The following USP48 variants were observed in gnomAD, a reference collection of about 807,000 sequenced individuals.
USP48 encodes ubiquitin specific peptidase 48, also known as ubiquitin carboxyl-terminal hydrolase 48.
Under a neutral mutation model 150.7 loss-of-function variants are expected in USP48, and 43 were observed. That is an observed-to-expected ratio of 0.29 (90% CI 0.22 to 0.37). The LOEUF (loss-of-function observed/expected upper bound fraction) is 0.37. Among genes scored for constraint, USP48 ranks in the 10% least tolerant of loss-of-function variants. The pLI is 1.00. For missense variants in USP48, 813 were observed against 1,249.6 expected (o/e 0.65, Z 5.27); for synonymous variants, 396 against 425.9 (o/e 0.93, Z 0.86).
At chr1:21,760,028 A>G (rs1284721204) in intron 1 of USP48, among the ~76,000 whole-genome samples, 1 of 152,334 alleles carries the variant, frequency 6.6e-6, no homozygotes, top group Admixed American at 6.5e-5. Context: ...CCAGTAATGA[A>G]TCTAATTGAC....
chr1:21,703,969 C>T (rs771862776), intron 20 of USP48, among the ~76,000 whole-genome samples: 43 of 152,288 alleles, frequency 2.8e-4, no homozygotes, highest in Non-Finnish European at 4.4e-4. Flanking sequence ...GCAATCCTTC[C>T]ACCCTAGTCT....
In USP48 at chr1:21,715,405, A is replaced by T. The variant is rs1235217867; in HGVS notation, c.1947T>A (p.Asp649Glu). ...CTAGCTTACCATGTGGACACAGAAT[A>T]TCTTCATTAAAATTTAATTCCTCCT... ...KEEEELNFNE[D>E]ILCPHGELCI... is the part of the protein sequence containing the mutation. The change falls in exon 15 of 27, where the codon GAT (aspartate) becomes GAA (glutamate). Residue 649 changes from aspartate (D) to glutamate (E), a missense_variant. Asp to Glu is a conservative substitution (Grantham distance 45). Coordinates refer to ENST00000308271, the MANE Select transcript of USP48 (RefSeq NM_032236.8). 1.1e-5 allele frequency: 17 copies of T among 1,591,788 alleles called. No homozygotes were observed. The highest frequency in any genetic ancestry group is 3.4e-5 in the Admixed American group (2 of 59,050).
chr1:21,701,386 A>G, intron 22 of USP48, 112 bp downstream of exon 22: 1 of 823,884 alleles, frequency 1.2e-6, no homozygotes, highest in Middle Eastern at 2.4e-4. Flanking sequence ...AAAAAAGAAA[A>G]AAAAAGAACC....
chr1:21,736,757 A>C, intron 8 of USP48, 132 bp from the exon 9 acceptor site: 1 of 719,260 alleles, frequency 1.4e-6, no homozygotes, highest in East Asian at 3.3e-5. Flanking sequence ...AAATTTTTAC[A>C]AATTAGTTTT....
At chr1:21,764,264 C>T (rs987871838) in intron 1 of USP48, among the ~76,000 whole-genome samples, 11 of 151,998 alleles carry the variant, frequency 7.2e-5, no homozygotes, top group African/African-American at 2.7e-4. Context: ...ATGGCGAAAA[C>T]CCATCTTTAC....
intron 1 of USP48, among the ~76,000 whole-genome samples, chr1:21,762,210 T>C (rs916624687): frequency 6.6e-6 from 1 of 151,942 alleles, no homozygotes; most frequent in African/African-American, 2.4e-5. Flanking sequence ...GGGTTTGCAG[T>C]GAGCTGTGAT....
chr1:21,697,392 G>C (rs1353785986), intron 22 of USP48, among the ~76,000 whole-genome samples: 2 of 152,052 alleles, frequency 1.3e-5, no homozygotes, highest in African/African-American at 2.4e-5. Flanking sequence ...GGCCAGGCGT[G>C]GTGGCTCATG....
At chr1:21,735,284 T>G (rs139680961) in intron 9 of USP48, among the ~76,000 whole-genome samples, 7 of 152,360 alleles carry the variant, frequency 4.6e-5, no homozygotes, top group African/African-American at 1.7e-4. Context: ...ATTGTAAATT[T>G]TTTTAACTAA....
At chr1:21,751,682 C>T (rs2097814370) in intron 5 of USP48, 67 bp from the exon 6 acceptor site, 5 of 1,186,634 alleles carry the variant, frequency 4.2e-6, no homozygotes, top group Non-Finnish European at 6.2e-6. Flanking sequence ...TATTGTATTA[C>T]ATCCTAGAAA....
chr1:21,690,976 A>T (rs543365653), intron 23 of USP48, among the ~76,000 whole-genome samples: 2 of 152,134 alleles, frequency 1.3e-5, no homozygotes, highest in Non-Finnish European at 2.9e-5. Flanking sequence ...TGAATTTCTG[A>T]AGGGTAGGGA....
chr1:21,700,230 G>A (rs912577816), intron 22 of USP48, among the ~76,000 whole-genome samples: 2 of 152,054 alleles, frequency 1.3e-5, no homozygotes, highest in African/African-American at 4.8e-5. Context: ...GCCCTCCAGT[G>A]TTGACTGACT....
intron 12 of USP48, among the ~76,000 whole-genome samples, chr1:21,722,675 T>A (rs1249661681): frequency 6.6e-6 from 1 of 151,858 alleles, no homozygotes; most frequent in African/African-American, 2.4e-5. Flanking sequence ...TGAAACACCA[T>A]CTCTACAGAA....
At chr1:21,727,920 T>C (rs1357217702) in intron 11 of USP48, 1 of 984,082 alleles carries the variant, frequency 1.0e-6, no homozygotes, top group African/African-American at 1.7e-5. Flanking sequence ...GAATTAGGCT[T>C]GGGGAATTCA....
rs573075243 is a variant in USP48, at chr1:21,715,239, C to T, written c.1963+150G>A. 125 of 542,102 alleles carry T rather than the reference C, an allele frequency of 2.3e-4. No individual in the cohort carries two copies. In the Middle Eastern group the frequency reaches 2.4e-3, roughly 11 times the overall value. 33.6% of individuals were successfully genotyped at this position (542,102 alleles called of 1,614,324 possible). On this transcript the variant is annotated intron_variant, in intron 15 of 26. Transcript: ENST00000308271. Reference sequence around the variant, plus strand: ...GAACAAGTGACAAGAAGTTTCTTTTCCAATGATTTCCTCTAAATATGGGGA... The same window carrying T: ...GAACAAGTGACAAGAAGTTTCTTTTTCAATGATTTCCTCTAAATATGGGGA...
chr1:21,695,318 T>C (rs1366362405), intron 22 of USP48, 97 bp from the exon 23 acceptor site: 41 of 1,314,674 alleles, frequency 3.1e-5, no homozygotes, highest in African/African-American at 4.5e-5. Context: ...TGTTTCCTTA[T>C]TGGTCCCTTA....
intron 10 of USP48, 53 bp downstream of exon 10, chr1:21,729,651 G>T: frequency 6.3e-7 from 1 of 1,584,466 alleles, no homozygotes; most frequent in South Asian, 1.1e-5. Flanking sequence ...ATTAATCTTT[G>T]AGTATGGCAT....
chr1:21,681,423 G>A (rs1282918979), intron 25 of USP48, among the ~76,000 whole-genome samples: 1 of 151,894 alleles, frequency 6.6e-6, no homozygotes, highest in Non-Finnish European at 1.5e-5. Context: ...CACCACACTT[G>A]GCTAATTTTT....
chr1:21,681,270 T>C (rs2097565091), intron 25 of USP48: 1 of 151,600 alleles, frequency 6.6e-6, no homozygotes, highest in Non-Finnish European at 1.5e-5. Context: ...TTTATTTACT[T>C]TTTTTTTTTG....
intron 7 of USP48, among the ~76,000 whole-genome samples, chr1:21,747,491 G>T (rs541303176): frequency 1.3e-5 from 2 of 152,262 alleles, no homozygotes; most frequent in African/African-American, 2.4e-5. Flanking sequence ...CATGGCGGGG[G>T]TGTAATGAGT....
Sources: allele counts gnomAD v4.1 joint callset (sites outside exome capture counted in the v4.1 genomes callset), GRCh38; gene constraint gnomAD v4.1.1; transcripts MANE v1.5; gene names NCBI Gene and HGNC (gene_info 2026-07-23, HGNC 2026-07-21).